The following EIF4G3 variants were observed in gnomAD, a reference collection of about 807,000 sequenced individuals.
EIF4G3 encodes eIF-4-gamma 3.
A neutral mutation model predicts 186.4 loss-of-function variants in EIF4G3; 34 were observed. That is an observed-to-expected ratio of 0.18 (90% CI 0.14 to 0.24). The LOEUF (loss-of-function observed/expected upper bound fraction) is 0.24. Among genes scored for constraint, EIF4G3 ranks in the 10% least tolerant of loss-of-function variants. The pLI, the probability that EIF4G3 is intolerant of heterozygous loss-of-function variation, is 1.00. For missense variants in EIF4G3, 1,536 were observed against 1,948.5 expected (o/e 0.79, Z 3.99); for synonymous variants, 673 against 679.5 (o/e 0.99, Z 0.15).
intron 2 of EIF4G3, among the ~76,000 whole-genome samples, chr1:21,144,504 A>G (rs2097400955): frequency 6.7e-6 from 1 of 149,964 alleles, no homozygotes; most frequent in Non-Finnish European, 1.5e-5. Context: ...CAATCCTTCC[A>G]CCTTGGCCTC....
chr1:21,037,728 T>C (rs190076968), intron 4 of EIF4G3, among the ~76,000 whole-genome samples: 2 of 152,202 alleles, frequency 1.3e-5, no homozygotes, highest in African/African-American at 4.8e-5. Context: ...ACTTTGCTTG[T>C]ATAAGATCTG....
chr1:20,997,712 C>T, intron 6 of EIF4G3, 79 bp from the exon 7 acceptor site: 2 of 1,143,174 alleles, frequency 1.7e-6, no homozygotes, highest in Middle Eastern at 2.0e-4. Flanking sequence ...CAAAATTTCA[C>T]ACAATATGCC....
chr1:20,978,689 A>C (rs1161803643), intron 10 of EIF4G3, among the ~76,000 whole-genome samples: 3 of 151,928 alleles, frequency 2.0e-5, no homozygotes, highest in East Asian at 1.9e-4. Flanking sequence ...AAAAAAAAAA[A>C]AAAAAAACCC....
intron 7 of EIF4G3, among the ~76,000 whole-genome samples, chr1:20,992,384 A>C (rs1177826512): frequency 6.6e-6 from 1 of 152,166 alleles, no homozygotes; most frequent in Non-Finnish European, 1.5e-5. Context: ...CAGTAAAGAA[A>C]CCTTTAGGGA....
chr1:21,086,199 C>CTTTTTTT (rs397979515), intron 3 of EIF4G3, among the ~76,000 whole-genome samples: 5 of 95,202 alleles, frequency 5.3e-5, no homozygotes, highest in African/African-American at 8.7e-5. Flanking sequence ...ACATGATACT[C>CTTTTTTT]TTTTTTTTTT....
At chr1:20,971,116 T>C (rs1240388578) in intron 11 of EIF4G3, among the ~76,000 whole-genome samples, 2 of 152,012 alleles carry the variant, frequency 1.3e-5, no homozygotes, top group Non-Finnish European at 2.9e-5. Context: ...GTCAGTGGAG[T>C]TGGTGCTGTA....
intron 2 of EIF4G3, among the ~76,000 whole-genome samples, chr1:21,107,670 A>T (rs910344413): frequency 6.6e-6 from 1 of 152,256 alleles, no homozygotes; most frequent in East Asian, 1.9e-4. Context: ...CATACAAGTT[A>T]TTTGATTTCT....
chr1:21,026,936 CAA>C (rs146144076), intron 4 of EIF4G3, among the ~76,000 whole-genome samples: 8 of 88,256 alleles, frequency 9.1e-5, no homozygotes, highest in Non-Finnish European at 9.1e-5. Context: ...GACACTGTCT[CAA>C]AAAAAAAAAA....
intron 27 of EIF4G3, 116 bp from the exon 28 acceptor site, chr1:20,851,594 C>T (rs1320624977): frequency 8.7e-6 from 8 of 917,186 alleles, no homozygotes; most frequent in African/African-American, 1.7e-5. Flanking sequence ...TCACAGATAA[C>T]ATTAGATGTG....
At chr1:20,846,901 G>T (rs530768317) in intron 29 of EIF4G3, among the ~76,000 whole-genome samples, 26 of 152,276 alleles carry the variant, frequency 1.7e-4, no homozygotes, top group African/African-American at 5.8e-4. Context: ...TTGGCACAGT[G>T]CCAGGCACAA....
chr1:20,938,604 C>T (rs10442633), intron 14 of EIF4G3, among the ~76,000 whole-genome samples: 66,398 of 152,006 alleles, frequency 0.44, 14,855 homozygotes, highest in Non-Finnish European at 0.47. Context: ...TTATGATTTA[C>T]TAACTTCTCA....
At chr1:20,928,203 ATAAG>A (rs2095057156) in intron 14 of EIF4G3, among the ~76,000 whole-genome samples, 1 of 152,174 alleles carries the variant, frequency 6.6e-6, no homozygotes, top group African/African-American at 2.4e-5. Context: ...TATACACTAT[ATAAG>A]TAATTGTTGT....
At chr1:20,922,568 A>C (rs2094560566) in intron 14 of EIF4G3, among the ~76,000 whole-genome samples, 1 of 152,228 alleles carries the variant, frequency 6.6e-6, no homozygotes, top group East Asian at 1.9e-4. Flanking sequence ...AAGTACTGGG[A>C]TTACAGGCAT....
chr1:21,051,729 G>A (rs895327489), intron 3 of EIF4G3, among the ~76,000 whole-genome samples: 2 of 152,010 alleles, frequency 1.3e-5, no homozygotes, highest in African/African-American at 4.8e-5. Context: ...TAGGCATGGT[G>A]GCATCCACCT....
chr1:21,030,079 G>A (rs1344373384), intron 4 of EIF4G3, among the ~76,000 whole-genome samples: 2 of 151,956 alleles, frequency 1.3e-5, no homozygotes, highest in African/African-American at 4.8e-5. Context: ...GATGTTTGAG[G>A]CCCAGGATGG....
intron 2 of EIF4G3, among the ~76,000 whole-genome samples, chr1:21,130,964 G>A (rs546828738): frequency 1.6e-4 from 25 of 152,194 alleles, no homozygotes; most frequent in African/African-American, 6.0e-4. Flanking sequence ...CAGGCACGGT[G>A]GCTCATACCT....
chr1:20,932,354 G>C (rs2095349386), intron 14 of EIF4G3, among the ~76,000 whole-genome samples: 1 of 152,132 alleles, frequency 6.6e-6, no homozygotes. Context: ...TGTATCATTT[G>C]TGTGATCACT....
intron 34 of EIF4G3, among the ~76,000 whole-genome samples, 161 bp from the exon 35 acceptor site, chr1:20,813,400 A>T (rs1228321443): frequency 1.1e-4 from 4 of 37,902 alleles, no homozygotes; most frequent in East Asian, 5.1e-3. Context: ...CTATCTCTTA[A>T]AAAAAAAAAA....
chr1:20,840,048 T>C (rs1411462292), intron 30 of EIF4G3, among the ~76,000 whole-genome samples: 1 of 152,202 alleles, frequency 6.6e-6, no homozygotes, highest in Non-Finnish European at 1.5e-5. Flanking sequence ...CTAGTTGCTA[T>C]TCCCTTAGAG....
Sources: allele counts gnomAD v4.1 joint callset (sites outside exome capture counted in the v4.1 genomes callset), GRCh38; gene constraint gnomAD v4.1.1; transcripts MANE v1.5; gene names NCBI Gene and HGNC (gene_info 2026-07-23, HGNC 2026-07-21).